NEK10: variants seen among roughly 807,000 people sequenced by gnomAD.
NEK10 encodes the protein NIMA related kinase 10.
A neutral mutation model predicts 159.8 loss-of-function variants in NEK10; 122 were observed. The observed-to-expected ratio is 0.76, with a 90% confidence interval of 0.66 to 0.89. The LOEUF (loss-of-function observed/expected upper bound fraction) is 0.89, where lower values mean the gene tolerates loss of function less well. NEK10 is among the 40% of genes least tolerant of loss of function. The pLI, the probability that NEK10 is intolerant of heterozygous loss-of-function variation, is 0.00. For synonymous variants in NEK10, 466 were observed against 457.1 expected (o/e 1.02, Z -0.25); for missense variants, 1,342 against 1,323.1 (o/e 1.01, Z -0.22).
At chr3:27,138,358 T>A (rs1337554635) in intron 31 of NEK10, among the ~76,000 whole-genome samples, 2 of 152,188 alleles carry the variant, frequency 1.3e-5, no homozygotes, top group Non-Finnish European at 2.9e-5. Context: ...AGAGGGACAC[T>A]TCGCTTCAAG....
At chr3:27,254,764 T>C (rs1956007844) in intron 23 of NEK10, among the ~76,000 whole-genome samples, 1 of 152,174 alleles carries the variant, frequency 6.6e-6, no homozygotes, top group Admixed American at 6.5e-5. Context: ...CATGAAATAA[T>C]AGCTTATCTA....
At chr3:27,204,213 C>G (rs1323011369) in intron 23 of NEK10, among the ~76,000 whole-genome samples, 6 of 147,442 alleles carry the variant, frequency 4.1e-5, no homozygotes, top group African/African-American at 7.5e-5. Flanking sequence ...TCACTCCCCA[C>G]AGCCAGCACC....
At chr3:27,215,934 GA>G in intron 23 of NEK10, 1 of 608,740 alleles carries the variant, frequency 1.6e-6, no homozygotes, top group Middle Eastern at 4.1e-4. Flanking sequence ...AGCACCAAGG[GA>G]GAAATTCGCC....
intron 1 of NEK10, among the ~76,000 whole-genome samples, chr3:27,359,310 A>G (rs976137094): frequency 1.3e-5 from 2 of 152,176 alleles, no homozygotes; most frequent in Non-Finnish European, 2.9e-5. Flanking sequence ...TATTATTTTG[A>G]AAAAAGCACT....
At chr3:27,305,229 C>T (rs552813154) in intron 11 of NEK10, among the ~76,000 whole-genome samples, 10 of 152,254 alleles carry the variant, frequency 6.6e-5, no homozygotes, top group East Asian at 3.9e-4. Flanking sequence ...AAAATAAATT[C>T]GCATCCCTAT....
chr3:27,200,450 CTTAAGTACTCAAGATG>C, intron 25 of NEK10, among the ~76,000 whole-genome samples: 2 of 152,224 alleles, frequency 1.3e-5, no homozygotes, highest in South Asian at 4.1e-4. Flanking sequence ...AAGTACCCAA[CTTAAGTACTCAAGATG>C]CAACTTAAGT....
intron 32 of NEK10, among the ~76,000 whole-genome samples, chr3:27,120,260 T>C (rs1941095208): frequency 6.6e-6 from 1 of 152,164 alleles, no homozygotes; most frequent in African/African-American, 2.4e-5. Flanking sequence ...CTATTTTTTT[T>C]TCATGTATCT....
At chr3:27,165,605 G>C (rs577525847) in intron 29 of NEK10, among the ~76,000 whole-genome samples, 8 of 152,274 alleles carry the variant, frequency 5.3e-5, no homozygotes, top group African/African-American at 1.9e-4. Flanking sequence ...GCCAATGGAA[G>C]AATTTCAGAA....
chr3:27,260,026 T>C (rs2040257833), intron 22 of NEK10, among the ~76,000 whole-genome samples: 1 of 152,208 alleles, frequency 6.6e-6, no homozygotes, highest in Admixed American at 6.5e-5. Flanking sequence ...TGTTTTTCTG[T>C]TATTGGTGTA....
At chr3:27,184,282 A>C (rs1325380119) in intron 26 of NEK10, among the ~76,000 whole-genome samples, 1 of 152,212 alleles carries the variant, frequency 6.6e-6, no homozygotes, top group Non-Finnish European at 1.5e-5. Context: ...ACGTGGGTGA[A>C]TCTCATAGAT....
chr3:27,307,799 A>T (rs572651342), intron 11 of NEK10, 60 bp downstream of exon 11: 75 of 799,952 alleles, frequency 9.4e-5, no homozygotes, highest in South Asian at 5.4e-4. Context: ...AAAAATAATA[A>T]CAAGTGTATC....
At chr3:27,359,578 A>G (rs1294937304) in intron 1 of NEK10, among the ~76,000 whole-genome samples, 2 of 152,224 alleles carry the variant, frequency 1.3e-5, no homozygotes, top group Non-Finnish European at 2.9e-5. Context: ...TCTAATAGTG[A>G]TTCTTTGAGA....
chr3:27,219,074 C>T (rs1951839922), intron 23 of NEK10, among the ~76,000 whole-genome samples: 1 of 152,230 alleles, frequency 6.6e-6, no homozygotes, highest in Admixed American at 6.5e-5. Context: ...TTCATTCTTT[C>T]TCTGCCTCTT....
chr3:27,268,441 G>GTAA (rs897233687), intron 22 of NEK10, among the ~76,000 whole-genome samples: 11 of 152,180 alleles, frequency 7.2e-5, no homozygotes, highest in African/African-American at 2.7e-4. Context: ...AATGCAGCTG[G>GTAA]TAATTAAGTT....
intron 32 of NEK10, 101 bp downstream of exon 32, chr3:27,131,779 T>C (rs1172864304): frequency 9.9e-6 from 5 of 507,130 alleles, no homozygotes; most frequent in South Asian, 4.8e-5. Flanking sequence ...GAAACTTTAA[T>C]AGAGGATAGA....
intron 31 of NEK10, 24 bp downstream of exon 31, chr3:27,141,458 G>A: frequency 1.3e-6 from 2 of 1,526,986 alleles, no homozygotes; most frequent in Middle Eastern, 1.7e-4. Flanking sequence ...AGATGAAAAG[G>A]AAATAAAAAG....
intron 23 of NEK10, among the ~76,000 whole-genome samples, chr3:27,247,656 C>T (rs1955208235): frequency 6.6e-6 from 1 of 152,118 alleles, no homozygotes; most frequent in Non-Finnish European, 1.5e-5. Flanking sequence ...CCGCCTCAGC[C>T]TTCCAAGTAG....
intron 1 of NEK10, among the ~76,000 whole-genome samples, chr3:27,366,591 T>C (rs1453898042): frequency 6.6e-6 from 1 of 152,180 alleles, no homozygotes; most frequent in Non-Finnish European, 1.5e-5. Flanking sequence ...TCACTGGGCA[T>C]GGAGCCCCAA....
At chr3:27,150,495 C>T (rs957019960) in intron 30 of NEK10, among the ~76,000 whole-genome samples, 2 of 152,154 alleles carry the variant, frequency 1.3e-5, no homozygotes, top group Non-Finnish European at 2.9e-5. Context: ...TCTACCTATG[C>T]TCTATAAATA....
Sources: allele counts gnomAD v4.1 joint callset (sites outside exome capture counted in the v4.1 genomes callset), GRCh38; gene constraint gnomAD v4.1.1; transcripts MANE v1.5; gene names NCBI Gene and HGNC (gene_info 2026-07-23, HGNC 2026-07-21).